Variants in CCSER1 observed in about 807,000 individuals in gnomAD.
CCSER1 encodes serine-rich coiled-coil domain-containing protein 1.
Under a neutral mutation model 82.0 loss-of-function variants are expected in CCSER1, and 41 were observed. The observed-to-expected ratio is 0.50, with a 90% confidence interval of 0.39 to 0.65. CCSER1 has a LOEUF of 0.65. Ranked by LOEUF, CCSER1 falls within the 30% of genes least tolerant of loss-of-function variation. The pLI, the probability that CCSER1 is intolerant of heterozygous loss-of-function variation, is 0.00. For synonymous variants in CCSER1, 414 were observed against 383.9 expected (o/e 1.08, Z -0.92); for missense variants, 1,119 against 1,064.2 (o/e 1.05, Z -0.72).
At chr4:91,106,771 CT>C (rs1332979757) in intron 10 of CCSER1, among the ~76,000 whole-genome samples, 2 of 152,142 alleles carry the variant, frequency 1.3e-5, no homozygotes, top group South Asian at 4.1e-4. Context: ...AGCCTCTTTA[CT>C]TTTTTTGTTT....
chr4:90,135,114 C>T (rs191487743), intron 1 of CCSER1, among the ~76,000 whole-genome samples: 2 of 152,110 alleles, frequency 1.3e-5, no homozygotes, highest in Non-Finnish European at 2.9e-5. Flanking sequence ...GCTCCTGATT[C>T]GGAAGCATTC....
Position 91,081,826 on chromosome 4 carries a change from G to A in CCSER1, c.2173-4124G>A, listed in dbSNP as rs896312477. 8.3e-4 allele frequency among the ~76,000 whole-genome samples: 126 copies of A among 152,222 alleles called. 2 individuals carry two copies. The highest frequency in any genetic ancestry group is 2.9e-3 in the African/African-American group (120 of 41,512). ...CTCCCATTCACAATTGCTTCCAAGA[G>A]AATAAAATACCTAGGAATCCAACTT... On this transcript the variant is annotated intron_variant, in intron 9 of 10. Transcript: ENST00000509176.
rs1218039391 is a variant in CCSER1 at position 90,732,039 on chromosome 4, C to CTG, written c.2010+8049_2010+8050insGT. On this transcript the variant is annotated intron_variant, in intron 7 of 10. Coordinates refer to ENST00000509176, the MANE Select transcript of CCSER1 (RefSeq NM_001145065.2). ...TACCTATTGGGATTTCTCTCTCTCT[C>CTG]TCTCTCTCTCTCTCTCTCTCTCACT... is the stretch of plus-strand genomic sequence containing the variant. 4.7e-5 allele frequency among the ~76,000 whole-genome samples: 7 copies of CTG among 149,690 alleles called. No homozygotes were observed. The South Asian group carries it at 1.5e-3, about 32-fold the overall frequency.
intron 5 of CCSER1, among the ~76,000 whole-genome samples, chr4:90,534,285 A>G (rs1774996802): frequency 6.6e-6 from 1 of 152,086 alleles, no homozygotes; most frequent in South Asian, 2.1e-4. Flanking sequence ...GCCCGCCACC[A>G]CGCCTGGCTA....
At chr4:91,463,909 A>T (rs1339391996) in intron 10 of CCSER1, among the ~76,000 whole-genome samples, 1 of 152,220 alleles carries the variant, frequency 6.6e-6, no homozygotes. Flanking sequence ...GGGAGAATGG[A>T]ACCAAGTTGG....
At chr4:90,698,853 C>A (rs918399416) in intron 6 of CCSER1, among the ~76,000 whole-genome samples, 2 of 152,234 alleles carry the variant, frequency 1.3e-5, no homozygotes, top group South Asian at 4.2e-4. Flanking sequence ...GCCTGTAATT[C>A]CAGCACTTTG....
At chr4:91,030,799 C>G (rs1479277390) in intron 9 of CCSER1, among the ~76,000 whole-genome samples, 1 of 129,662 alleles carries the variant, frequency 7.7e-6, no homozygotes, top group Non-Finnish European at 1.8e-5. Flanking sequence ...TCTGTAAATC[C>G]AAAAGCTGTG....
At chr4:90,352,438 C>T (rs984377618) in intron 3 of CCSER1, among the ~76,000 whole-genome samples, 15 of 151,986 alleles carry the variant, frequency 9.9e-5, no homozygotes, top group African/African-American at 2.7e-4. Context: ...TCCAGGTGGG[C>T]GGATCACCTG....
chr4:90,735,797 G>C (rs1004491848), intron 7 of CCSER1, among the ~76,000 whole-genome samples: 1 of 151,834 alleles, frequency 6.6e-6, no homozygotes, highest in Admixed American at 6.6e-5. Flanking sequence ...TGCATTGTTA[G>C]GTTGTTTATT....
intron 6 of CCSER1, among the ~76,000 whole-genome samples, chr4:90,633,321 G>T (rs1428127923): frequency 6.6e-6 from 1 of 151,946 alleles, no homozygotes; most frequent in East Asian, 1.9e-4. Context: ...CTCTTTAAAA[G>T]AAGTGTACAA....
intron 5 of CCSER1, among the ~76,000 whole-genome samples, chr4:90,485,895 G>A (rs1316581989): frequency 6.6e-6 from 1 of 151,766 alleles, no homozygotes; most frequent in Non-Finnish European, 1.5e-5. Flanking sequence ...TTTTTGTTTT[G>A]TTTTGTTTTT....
intron 1 of CCSER1, among the ~76,000 whole-genome samples, chr4:90,277,305 C>T (rs936677987): frequency 1.3e-5 from 2 of 152,096 alleles, no homozygotes; most frequent in Non-Finnish European, 2.9e-5. Flanking sequence ...GTAGAGAAAA[C>T]TATTCTGAAA....
At chr4:90,409,193 T>C (rs1754259075) in intron 4 of CCSER1, among the ~76,000 whole-genome samples, 1 of 152,204 alleles carries the variant, frequency 6.6e-6, no homozygotes, top group Admixed American at 6.5e-5. Flanking sequence ...GGAACCAAGT[T>C]GGAAAACACT....
intron 9 of CCSER1, among the ~76,000 whole-genome samples, chr4:90,961,771 A>G (rs1734074387): frequency 6.6e-6 from 1 of 152,082 alleles, no homozygotes; most frequent in South Asian, 2.1e-4. Context: ...TAAAGACTAG[A>G]ATATAATATT....
chr4:90,785,787 C>A (rs1412417271), intron 7 of CCSER1, among the ~76,000 whole-genome samples: 1 of 152,020 alleles, frequency 6.6e-6, no homozygotes, highest in Non-Finnish European at 1.5e-5. Flanking sequence ...TGAACTGTGA[C>A]TGTGTTTTTT....
intron 10 of CCSER1, among the ~76,000 whole-genome samples, chr4:91,225,005 T>C (rs1180743775): frequency 3.3e-5 from 5 of 150,958 alleles, no homozygotes; most frequent in Non-Finnish European, 7.4e-5. Context: ...GAAAATACTT[T>C]TTATATCAAA....
At chr4:91,532,927 G>A (rs1761111176) in intron 10 of CCSER1, among the ~76,000 whole-genome samples, 1 of 151,250 alleles carries the variant, frequency 6.6e-6, no homozygotes, top group African/African-American at 2.4e-5. Flanking sequence ...TATTTTTATA[G>A]CCATTTGTGG....
intron 6 of CCSER1, among the ~76,000 whole-genome samples, chr4:90,698,442 A>G (rs897087407): frequency 2.0e-5 from 3 of 152,216 alleles, no homozygotes; most frequent in Non-Finnish European, 4.4e-5. Flanking sequence ...TGATGTTTCA[A>G]ATCCAATCTG....
intron 7 of CCSER1, among the ~76,000 whole-genome samples, chr4:90,810,643 C>A (rs1387103496): frequency 8.0e-6 from 1 of 124,726 alleles, no homozygotes; most frequent in Non-Finnish European, 1.7e-5. Context: ...GAGACTCCCT[C>A]TCAACAACAA....
Sources: allele counts gnomAD v4.1 joint callset (sites outside exome capture counted in the v4.1 genomes callset), GRCh38; gene constraint gnomAD v4.1.1; transcripts MANE v1.5; gene names NCBI Gene and HGNC (gene_info 2026-07-23, HGNC 2026-07-21).